KIF13B: variants seen among roughly 807,000 people sequenced by gnomAD.
KIF13B encodes kinesin family member 13B, also known as kinesin-like protein KIF13B.
A neutral mutation model predicts 222.0 loss-of-function variants in KIF13B; 127 were observed. That is an observed-to-expected ratio of 0.57 (90% CI 0.50 to 0.66). The LOEUF (loss-of-function observed/expected upper bound fraction) is 0.66. Ranked by LOEUF, KIF13B falls within the 30% of genes least tolerant of loss-of-function variation. KIF13B has a pLI of 0.00. For missense variants in KIF13B, 2,173 were observed against 2,379.0 expected, an observed-to-expected ratio of 0.91 and a Z score of 1.80; for synonymous variants, 976 against 919.0, an observed-to-expected ratio of 1.06 and a Z score of -1.12.
rs1233656670 is a variant in KIF13B at position 29,070,842 on chromosome 8, G to A, written c.5219-76C>T. ...CCCCTGCACCTCCCTTACCTCTGCA[G>A]AGGCCATGTGCCCACACTGCCACCC... On this transcript the variant is annotated intron_variant, in intron 39 of 39. Coordinates refer to ENST00000524189, the MANE Select transcript of KIF13B (RefSeq NM_015254.4). The surrounding 1 kb of genome is among the most constrained non-coding windows in gnomAD (Gnocchi z 4.1). 6.7e-7 allele frequency: 1 copy of A among 1,490,824 alleles called. No homozygotes were observed. The highest frequency in any genetic ancestry group is 9.1e-7 in the Non-Finnish European group (1 of 1,098,912). 92.3% of individuals were successfully genotyped at this position (1,490,824 alleles called of 1,614,324 possible).
intron 2 of KIF13B, 32 bp from the exon 3 acceptor site, chr8:29,196,231 G>A (rs556713054): frequency 1.9e-5 from 29 of 1,491,298 alleles, no homozygotes; most frequent in Admixed American, 1.0e-4. Context: ...CATCATTGAC[G>A]TGAAAGAAAA....
intron 37 of KIF13B, among the ~76,000 whole-genome samples, chr8:29,092,118 T>A (rs1235678201): frequency 1.3e-5 from 2 of 152,254 alleles, no homozygotes; most frequent in African/African-American, 4.8e-5. Context: ...AATCCTCATT[T>A]ATCATTTTCT....
intron 3 of KIF13B, among the ~76,000 whole-genome samples, chr8:29,191,263 T>C (rs1431379154): frequency 1.3e-5 from 2 of 152,204 alleles, no homozygotes; most frequent in Non-Finnish European, 2.9e-5. Flanking sequence ...ATTCACAAAA[T>C]GTGTAATAAA....
intron 1 of KIF13B, among the ~76,000 whole-genome samples, chr8:29,260,767 C>T (rs1266621227): frequency 6.6e-6 from 1 of 151,944 alleles, no homozygotes; most frequent in Non-Finnish European, 1.5e-5. Context: ...CAGGCGTCCA[C>T]CACCACGCCC....
intron 37 of KIF13B, among the ~76,000 whole-genome samples, chr8:29,090,058 G>C (rs1003879689): frequency 1.3e-5 from 2 of 152,172 alleles, no homozygotes; most frequent in African/African-American, 4.8e-5. Flanking sequence ...CTGGGTGGGT[G>C]GCAGGGCCAG....
In KIF13B at chr8:29,108,176, T is replaced by C. The variant is rs990730752; in HGVS notation, c.4178A>G (p.Gln1393Arg). ...PNVNRLSGSR[Q>R]DLIPSYSLGS... The stretch of plus-strand genomic sequence containing the variant: ...TAGACTGTATGATGGAATGAGATCT[T>C]GTCGGCTTCCAGACAACTGAAGAAG... Residue 1393 changes from glutamine (Q) to arginine (R), a missense_variant, in exon 35 of 40, where the codon CAA becomes CGA. Physicochemically the swap from Gln to Arg is conservative, Grantham distance 43. Around this residue, in one of 2 missense-constraint regions of KIF13B, gnomAD observed 693 missense variants for 656.2 expected, o/e 1.06. Coordinates refer to ENST00000524189, the MANE Select transcript of KIF13B (RefSeq NM_015254.4). 6 of 1,612,446 alleles carry C rather than the reference T, an allele frequency of 3.7e-6. No individual in the cohort carries two copies. Among genetic ancestry groups the C allele is most frequent in the Non-Finnish European group, 5.1e-6 (6 of 1,179,306 alleles).
At chr8:29,187,446 G>A (rs570773415) in intron 5 of KIF13B, among the ~76,000 whole-genome samples, 3 of 152,256 alleles carry the variant, frequency 2.0e-5, no homozygotes, top group South Asian at 2.1e-4. Context: ...CAGAAGAATC[G>A]CTTGAACCTG....
Position 29,182,015 on chromosome 8 carries a change from G to C in KIF13B, c.498-9C>G, listed in dbSNP as rs1311145600. The C allele has an allele frequency of 6.2e-7, 1 of 1,605,714 alleles. No individual in the cohort carries two copies. The highest frequency in any genetic ancestry group is 1.1e-5 in the South Asian group (1 of 90,512). ...TCAACGTCTGACGGCTTCTGTTCAT[G>C]AAAAACAAAGAAATGATTTTTTAAC... On this transcript the variant is annotated splice_polypyrimidine_tract_variant and intron_variant, in intron 6 of 39. Transcript: ENST00000524189.
At chr8:29,185,068 C>T (rs979958511) in intron 6 of KIF13B, among the ~76,000 whole-genome samples, 18 of 152,126 alleles carry the variant, frequency 1.2e-4, no homozygotes, top group African/African-American at 3.9e-4. Flanking sequence ...TGGGCTCAAG[C>T]GATCCTCCCA....
intron 13 of KIF13B, among the ~76,000 whole-genome samples, chr8:29,159,107 T>A (rs2130097090): frequency 6.6e-6 from 1 of 152,260 alleles, no homozygotes; most frequent in Non-Finnish European, 1.5e-5. Flanking sequence ...ACATCCTAAC[T>A]CAGAATGCTA....
chr8:29,089,758 G>A (rs1176167829), intron 37 of KIF13B, among the ~76,000 whole-genome samples: 2 of 151,974 alleles, frequency 1.3e-5, no homozygotes, highest in Non-Finnish European at 2.9e-5. Flanking sequence ...GCCAAGCGTG[G>A]TGGCAGGTGC....
At chr8:29,134,365 T>C (rs1810471494) in intron 21 of KIF13B, among the ~76,000 whole-genome samples, 155 bp from the exon 22 acceptor site, 1 of 152,230 alleles carries the variant, frequency 6.6e-6, no homozygotes, top group Non-Finnish European at 1.5e-5. Flanking sequence ...CTTCTGCATC[T>C]GGGAAATAGT....
At chr8:29,072,456 C>T (rs963194553) in intron 38 of KIF13B, 140 bp from the exon 39 acceptor site, 13 of 468,448 alleles carry the variant, frequency 2.8e-5, no homozygotes, top group South Asian at 9.2e-5. Flanking sequence ...GAGGGCAAGA[C>T]GGAAGATCGC....
rs750613859 is a variant in KIF13B, at chr8:29,181,963, G to C, written c.541C>G (p.Pro181Ala). The change falls in exon 7 of 40, where the codon CCT (proline) becomes GCT (alanine). Residue 181 changes from proline to alanine, a missense_variant. This residue lies in a region of KIF13B where 1,480 missense variants were observed against 1,722.8 expected (regional missense o/e 0.86). Transcript: ENST00000524189. ...LKVREHSVLGPYVDGLSKLAV... is the reference protein window; with the variant it reads ...LKVREHSVLGAYVDGLSKLAV... Reference sequence around the variant, plus strand: ...AGTTTAGAAAGTCCGTCGACATAAGGTCCCAACACACTATGCTCTCTGACT... The same window carrying C: ...AGTTTAGAAAGTCCGTCGACATAAGCTCCCAACACACTATGCTCTCTGACT... 5.6e-6 allele frequency: 9 copies of C among 1,613,532 alleles called. No individual in the cohort carries two copies. In the African/African-American group the frequency reaches 1.1e-4, roughly 19 times the overall value.
chr8:29,224,662 A>ACCCC (rs141038221), intron 2 of KIF13B, among the ~76,000 whole-genome samples: 1 of 146,084 alleles, frequency 6.8e-6, no homozygotes, highest in East Asian at 2.0e-4. Flanking sequence ...TGTTTATAGA[A>ACCCC]CCCCCCCCCA....
chr8:29,162,560 A>G (rs974466128), intron 12 of KIF13B, among the ~76,000 whole-genome samples: 4 of 152,086 alleles, frequency 2.6e-5, no homozygotes, highest in Admixed American at 2.6e-4. Context: ...AACTAACTAT[A>G]CCTTTCTCTA....
intron 2 of KIF13B, among the ~76,000 whole-genome samples, chr8:29,228,725 A>G (rs1022034926): frequency 3.9e-5 from 6 of 151,994 alleles, no homozygotes; most frequent in Non-Finnish European, 5.9e-5. Context: ...TGGCATGACC[A>G]ATGCTGTGGC....
At position 29,139,738 on chromosome 8, in the gene KIF13B, C is replaced by T. The variant is rs551701126; in HGVS notation, c.2613+325G>A. 3.3e-5 allele frequency among the ~76,000 whole-genome samples: 5 copies of T among 152,186 alleles called. No individual in the cohort carries two copies. In the South Asian group the frequency reaches 8.3e-4, roughly 25 times the overall value. The stretch of plus-strand genomic sequence containing the variant: ...CCTTCTCACTTGTACATTGCACCTG[C>T]GCCCCTCGCTGACTTCCTGTCCCCC... On this transcript the variant is annotated intron_variant, in intron 21 of 39. Coordinates refer to ENST00000524189, the MANE Select transcript of KIF13B (RefSeq NM_015254.4).
At chr8:29,175,918 A>G (rs888704881) in intron 10 of KIF13B, 150 bp downstream of exon 10, 12 of 639,644 alleles carry the variant, frequency 1.9e-5, no homozygotes, top group Non-Finnish European at 3.3e-5. Context: ...TTATTCCATC[A>G]AAAATGTCAT....
Sources: gnomAD v4.1 joint callset for allele counts (sites outside exome capture counted in the v4.1 genomes callset) on GRCh38, gnomAD v4.1.1 for gene constraint, gnomAD v4.1.1 regional missense constraint, Gnocchi (gnomAD v3.1) non-coding constraint, MANE v1.5 for transcripts, NCBI Gene and HGNC (gene_info 2026-07-23, HGNC 2026-07-21) for gene names.